NEBL: variants seen among roughly 807,000 people sequenced by gnomAD.
NEBL encodes the protein nebulette.
A neutral mutation model predicts 140.2 loss-of-function variants in NEBL; 122 were observed. The observed-to-expected ratio is 0.87, with a 90% CI of 0.75 to 1.01. The LOEUF (loss-of-function observed/expected upper bound fraction) is 1.01, where lower values mean the gene tolerates loss of function less well. NEBL is among the 50% of genes least tolerant of loss of function. The pLI, the probability that NEBL is intolerant of heterozygous loss-of-function variation, is 0.00. For missense variants in NEBL, 1,365 were observed against 1,231.3 expected (o/e 1.11, Z -1.62); for synonymous variants, 436 against 398.9 (o/e 1.09, Z -1.11).
Position 20,845,313 on chromosome 10 carries a change from A to G in NEBL, c.1172T>C (p.Leu391Ser). 1.2e-6 allele frequency: 2 copies of G among 1,606,768 alleles called. No individual in the cohort carries two copies. Among genetic ancestry groups the G allele is most frequent in the Non-Finnish European group, 1.7e-6 (2 of 1,173,734 alleles). The stretch of plus-strand genomic sequence containing the variant: ...ATGTAAAAATTCTGGAGTCTTGTCT[A>G]AATCCAGTGATGACCTTCCTTTAAT... ...KEIKGRSSLD[L>S]DKTPEFLHVK... Residue 391 changes from leucine (L) to serine (S), a missense_variant, in exon 12 of 28, where the codon TTA becomes TCA. Physicochemically the swap from Leu to Ser is moderately radical, Grantham distance 145. This residue lies in a region of NEBL where 1,323 missense variants were observed against 1,154.8 expected (regional missense o/e 1.15). Coordinates refer to ENST00000377122, the MANE Select transcript of NEBL (RefSeq NM_006393.3).
At chr10:20,809,457 A>G (rs1837917341) in intron 25 of NEBL, among the ~76,000 whole-genome samples, 1 of 152,192 alleles carries the variant, frequency 6.6e-6, no homozygotes, top group Admixed American at 6.5e-5. Flanking sequence ...CTTTAAATCT[A>G]CCTTTAAAAA....
intron 1 of NEBL, among the ~76,000 whole-genome samples, chr10:21,269,018 G>A (rs781663522): frequency 3.0e-4 from 46 of 152,206 alleles, no homozygotes; most frequent in Admixed American, 9.8e-4. Flanking sequence ...ACTGATCATC[G>A]CATCTCCATT....
At chr10:20,961,175 A>G (rs1335116448) in intron 4 of NEBL, among the ~76,000 whole-genome samples, 2 of 152,186 alleles carry the variant, frequency 1.3e-5, no homozygotes, top group Admixed American at 1.3e-4. Context: ...AGGAAACTAT[A>G]TTAATAAACA....
At chr10:21,266,885 T>C (rs573043588) in intron 1 of NEBL, among the ~76,000 whole-genome samples, 14 of 152,276 alleles carry the variant, frequency 9.2e-5, no homozygotes, top group African/African-American at 3.1e-4. Flanking sequence ...TCAAGCAATT[T>C]GCTGCCTCAG....
chr10:21,086,027 CT>C (rs1836613413), intron 2 of NEBL, among the ~76,000 whole-genome samples: 1 of 151,562 alleles, frequency 6.6e-6, no homozygotes, highest in Non-Finnish European at 1.5e-5. Context: ...ATAAGATGTA[CT>C]TTGAAAAAAA....
chr10:20,852,530 C>T lies in NEBL; in HGVS notation c.1008+15G>A, dbSNP rs375728589. ...GCTGGCAGGGAGGGTAGGTACCGTA[C>T]GGGCAAGTGTGTACCTGACTTTGGA... is the stretch of plus-strand genomic sequence containing the variant. On this transcript the variant is annotated intron_variant, in intron 10 of 27. Transcript: ENST00000377122. The T allele has an allele frequency of 1.2e-4, 188 of 1,589,140 alleles. 1 individual carries two copies. Among genetic ancestry groups the T allele is most frequent in the Middle Eastern group, 1.7e-4 (1 of 5,944 alleles).
At chr10:21,181,758 G>A (rs756769722) in intron 3 of NEBL, among the ~76,000 whole-genome samples, 2 of 152,184 alleles carry the variant, frequency 1.3e-5, no homozygotes, top group East Asian at 1.9e-4. Context: ...ATGTTGGCTG[G>A]CCGTGACCAC....
At chr10:20,819,872 G>C (rs756285563) in intron 19 of NEBL, among the ~76,000 whole-genome samples, 1 of 152,032 alleles carries the variant, frequency 6.6e-6, no homozygotes, top group African/African-American at 2.4e-5. Flanking sequence ...TTACAGGTGT[G>C]AGCCACCACA....
At chr10:21,091,056 A>G (rs1469745713) in intron 2 of NEBL, among the ~76,000 whole-genome samples, 1 of 151,448 alleles carries the variant, frequency 6.6e-6, no homozygotes, top group Non-Finnish European at 1.5e-5. Context: ...CCCAAGGTCA[A>G]CTCCACCTCC....
chr10:21,095,045 A>G (rs1328293175), intron 2 of NEBL, among the ~76,000 whole-genome samples: 1 of 152,198 alleles, frequency 6.6e-6, no homozygotes, highest in Non-Finnish European at 1.5e-5. Flanking sequence ...TGATCTGGGA[A>G]CCACCTGCAT....
chr10:21,028,254 A>AAAGAAGAAGAAGAAGAAG (rs55945604), intron 2 of NEBL, among the ~76,000 whole-genome samples: 1 of 70,344 alleles, frequency 1.4e-5, no homozygotes, highest in Non-Finnish European at 2.7e-5. Context: ...AAAAAAAAAA[A>AAAGAAGAAGAAGAAGAAG]AAGAAGAAGA....
At chr10:20,833,594 G>T (rs1353573199) in intron 14 of NEBL, among the ~76,000 whole-genome samples, 2 of 151,974 alleles carry the variant, frequency 1.3e-5, no homozygotes, top group African/African-American at 4.8e-5. Context: ...AACCATTAAA[G>T]AATTGCATGT....
At chr10:21,230,407 A>G (rs1465237950) in intron 3 of NEBL, among the ~76,000 whole-genome samples, 1 of 152,158 alleles carries the variant, frequency 6.6e-6, no homozygotes, top group Non-Finnish European at 1.5e-5. Context: ...AAAAAGAAAG[A>G]AAAATGTTAG....
chr10:20,799,152 G>T (rs1481581496), intron 26 of NEBL, among the ~76,000 whole-genome samples: 1 of 152,180 alleles, frequency 6.6e-6, no homozygotes, highest in African/African-American at 2.4e-5. Context: ...ATTCATCGCA[G>T]AAATTTATTT....
At chr10:21,209,930 T>A (rs990356083) in intron 3 of NEBL, among the ~76,000 whole-genome samples, 21 of 152,090 alleles carry the variant, frequency 1.4e-4, no homozygotes, top group African/African-American at 4.3e-4. Context: ...ACCTTAGAAT[T>A]AAACCAAGAC....
intron 2 of NEBL, among the ~76,000 whole-genome samples, chr10:21,108,752 A>G (rs1374986303): frequency 6.6e-6 from 1 of 152,066 alleles, no homozygotes; most frequent in African/African-American, 2.4e-5. Context: ...GTCTAATATT[A>G]GCAGTGGGGT....
chr10:21,166,065 A>G (rs897863784), intron 2 of NEBL, among the ~76,000 whole-genome samples: 4 of 87,066 alleles, frequency 4.6e-5, no homozygotes, highest in African/African-American at 3.0e-4. Flanking sequence ...CTAAAAATAC[A>G]AAAAATTAGC....
chr10:21,219,285 T>C (rs1256819071), intron 3 of NEBL, among the ~76,000 whole-genome samples: 1 of 152,254 alleles, frequency 6.6e-6, no homozygotes, highest in African/African-American at 2.4e-5. Flanking sequence ...GAGGGCTATA[T>C]AAATTACAAA....
intron 2 of NEBL, among the ~76,000 whole-genome samples, chr10:21,117,565 C>T (rs1373066266): frequency 6.6e-6 from 1 of 152,186 alleles, no homozygotes; most frequent in Admixed American, 6.6e-5. Context: ...CTGCAACAAT[C>T]TCGTTTGTTT....
Sources: gnomAD v4.1 joint callset for allele counts (sites outside exome capture counted in the v4.1 genomes callset) on GRCh38, gnomAD v4.1.1 for gene constraint, gnomAD v4.1.1 regional missense constraint, MANE v1.5 for transcripts, NCBI Gene and HGNC (gene_info 2026-07-23, HGNC 2026-07-21) for gene names.